The following HDAC9 variants were observed in gnomAD, a reference collection of about 807,000 sequenced individuals.
The protein encoded by HDAC9 is histone deacetylase 9, also known as MEF-2 interacting transcription repressor (MITR) protein.
In HDAC9, 41 loss-of-function variants were observed where a neutral mutation model predicts 139.4. The observed-to-expected ratio is 0.29, with a 90% CI of 0.23 to 0.38. The LOEUF (loss-of-function observed/expected upper bound fraction) is 0.38, where lower values mean the gene tolerates loss of function less well. Ranked by LOEUF, HDAC9 falls within the 10% of genes least tolerant of loss-of-function variation. The pLI, the probability that HDAC9 is intolerant of heterozygous loss-of-function variation, is 1.00. For synonymous variants in HDAC9, 517 were observed against 476.2 expected, an observed-to-expected ratio of 1.09 and a Z score of -1.12; for missense variants, 1,147 against 1,297.0, an observed-to-expected ratio of 0.88 and a Z score of 1.78.
chr7:18,908,716 C>CA (rs1013594310), intron 22 of HDAC9, among the ~76,000 whole-genome samples: 4 of 151,014 alleles, frequency 2.6e-5, no homozygotes, highest in Non-Finnish European at 4.4e-5. Context: ...CCACAAATGA[C>CA]AAAAAAAAAT....
chr7:18,239,462 G>A (rs771134447), intron 2 of HDAC9, among the ~76,000 whole-genome samples: 2 of 152,130 alleles, frequency 1.3e-5, no homozygotes, highest in Non-Finnish European at 2.9e-5. Flanking sequence ...CATAGGTTTC[G>A]TTTTGATGTA....
intron 22 of HDAC9, among the ~76,000 whole-genome samples, chr7:18,885,284 A>C (rs186576552): frequency 2.2e-3 from 338 of 152,298 alleles, no homozygotes; most frequent in Non-Finnish European, 3.0e-3. Context: ...GGGAACATTA[A>C]TTTCATCCTG....
intron 1 of HDAC9, among the ~76,000 whole-genome samples, chr7:18,383,467 G>C (rs1241872188): frequency 6.6e-6 from 1 of 152,102 alleles, no homozygotes; most frequent in Non-Finnish European, 1.5e-5. Flanking sequence ...ATTTAAGTTA[G>C]TAAAGAAATG....
At chr7:18,678,358 G>A (rs1052811530) in intron 12 of HDAC9, among the ~76,000 whole-genome samples, 1 of 151,706 alleles carries the variant, frequency 6.6e-6, no homozygotes, top group Non-Finnish European at 1.5e-5. Flanking sequence ...ATATCTGTGG[G>A]TTTGCACTTT....
chr7:18,114,918 G>A (rs1783867542), intron 1 of HDAC9, among the ~76,000 whole-genome samples: 2 of 152,174 alleles, frequency 1.3e-5, no homozygotes, highest in South Asian at 4.1e-4. Flanking sequence ...TTAGAAACGA[G>A]TGAAATTTAA....
intron 2 of HDAC9, among the ~76,000 whole-genome samples, chr7:18,181,163 T>G (rs1789399520): frequency 6.6e-6 from 1 of 152,224 alleles, no homozygotes; most frequent in Admixed American, 6.5e-5. Flanking sequence ...TGTGGGTATC[T>G]TTTGGGAGGT....
At chr7:18,606,461 C>T (rs1461013708) in intron 6 of HDAC9, among the ~76,000 whole-genome samples, 2 of 152,122 alleles carry the variant, frequency 1.3e-5, no homozygotes, top group African/African-American at 2.4e-5. Flanking sequence ...CCAGCTTGCT[C>T]ATGATTAACA....
At chr7:18,356,962 T>C (rs1783359536) in intron 1 of HDAC9, among the ~76,000 whole-genome samples, 1 of 152,160 alleles carries the variant, frequency 6.6e-6, no homozygotes, top group South Asian at 2.1e-4. Flanking sequence ...AGCCAACAAA[T>C]AAGGGTTGGA....
chr7:18,103,234 G>A (rs1584054178), intron 1 of HDAC9, among the ~76,000 whole-genome samples: 1 of 152,240 alleles, frequency 6.6e-6, no homozygotes, highest in East Asian at 1.9e-4. Flanking sequence ...TCTCCACCTG[G>A]CTCCATCCTT....
At chr7:18,726,167 G>T (rs1457757842) in intron 12 of HDAC9, among the ~76,000 whole-genome samples, 1 of 152,120 alleles carries the variant, frequency 6.6e-6, no homozygotes, top group Non-Finnish European at 1.5e-5. Flanking sequence ...CATGTACAGA[G>T]AAAGCTACAA....
intron 14 of HDAC9, among the ~76,000 whole-genome samples, chr7:18,750,819 C>T (rs1172137469): frequency 6.6e-6 from 1 of 152,192 alleles, no homozygotes; most frequent in African/African-American, 2.4e-5. Context: ...ATTCCTGTCT[C>T]ACCTTTTCAT....
At chr7:18,344,766 G>A (rs993334190) in intron 1 of HDAC9, among the ~76,000 whole-genome samples, 31 of 151,926 alleles carry the variant, frequency 2.0e-4, no homozygotes, top group African/African-American at 5.6e-4. Context: ...TTGGAATTTT[G>A]GTGGCTGTTA....
At chr7:18,439,074 C>T (rs576400497) in intron 1 of HDAC9, among the ~76,000 whole-genome samples, 1 of 152,226 alleles carries the variant, frequency 6.6e-6, no homozygotes, top group East Asian at 1.9e-4. Context: ...TGTGAGTACC[C>T]TCCACTTAAG....
At chr7:18,719,331 C>CT (rs757689693) in intron 12 of HDAC9, among the ~76,000 whole-genome samples, 2,029 of 73,842 alleles carry the variant, frequency 0.027, 146 homozygotes, top group Non-Finnish European at 0.038. Flanking sequence ...TTTTCTCTTC[C>CT]TTTTTTTTTT....
At chr7:18,246,083 G>T (rs1794502819) in intron 2 of HDAC9, among the ~76,000 whole-genome samples, 1 of 149,484 alleles carries the variant, frequency 6.7e-6, no homozygotes, top group South Asian at 2.2e-4. Context: ...TAGCCAAGGA[G>T]ACAATAATCA....
In HDAC9 at chr7:18,998,993, A is replaced by T. The variant is rs751513526; in HGVS notation, c.*2931A>T. 4 of 152,226 alleles carry T rather than the reference A, an allele frequency of 2.6e-5. No individual in the cohort carries two copies. The highest frequency in any genetic ancestry group is 7.2e-5 in the African/African-American group (3 of 41,456). 9.4% of individuals were successfully genotyped at this position (152,226 alleles called of 1,614,324 possible). ...TTAAATAGTAACCAAAATGGACTCA[A>T]ATAAAACCAGAGGCTATGTTACCAT... On this transcript the variant is annotated 3_prime_UTR_variant, in exon 26 of 26. Coordinates refer to ENST00000686413, the MANE Select transcript of HDAC9 (RefSeq NM_178425.4).
intron 1 of HDAC9, among the ~76,000 whole-genome samples, chr7:18,355,738 C>A (rs545591567): frequency 1.2e-4 from 18 of 152,184 alleles, no homozygotes; most frequent in Non-Finnish European, 2.5e-4. Context: ...GGGATTTAAC[C>A]CCCATTTCGT....
chr7:18,839,768 A>G (rs1426327174), intron 21 of HDAC9, among the ~76,000 whole-genome samples: 11 of 152,068 alleles, frequency 7.2e-5, no homozygotes, highest in Admixed American at 5.3e-4. Flanking sequence ...CTCTGTTTCA[A>G]TCATTTCAAA....
intron 2 of HDAC9, among the ~76,000 whole-genome samples, chr7:18,569,375 A>C (rs1472558312): frequency 6.6e-6 from 1 of 152,240 alleles, no homozygotes; most frequent in African/African-American, 2.4e-5. Flanking sequence ...TGCAGGCCAT[A>C]AAAAATTAGG....
Sources: allele counts gnomAD v4.1 joint callset (sites outside exome capture counted in the v4.1 genomes callset), GRCh38; gene constraint gnomAD v4.1.1; transcripts MANE v1.5; gene names NCBI Gene and HGNC (gene_info 2026-07-23, HGNC 2026-07-21).